TCF20: variants seen among roughly 807,000 people sequenced by gnomAD.
TCF20 encodes SPRE-binding protein.
In TCF20, 3 loss-of-function variants were observed where a neutral mutation model predicts 148.6. The observed-to-expected ratio is 0.02, with a 90% CI of 0.01 to 0.05. TCF20 has a LOEUF of 0.05. TCF20 is among the 10% of genes least tolerant of loss of function. TCF20 has a pLI of 1.00. For missense variants in TCF20, 2,350 were observed against 2,429.3 expected (o/e 0.97, Z 0.69); for synonymous variants, 1,049 against 909.5 (o/e 1.15, Z -2.76).
chr22:42,312,152 A>G (rs1310792514), intron 1 of TCF20, among the ~76,000 whole-genome samples: 1 of 152,198 alleles, frequency 6.6e-6, no homozygotes, highest in Non-Finnish European at 1.5e-5. Context: ...GAGCTACAGA[A>G]GAAGGGCACT....
Position 42,214,616 on chromosome 22 carries a change from C to T in TCF20, c.690G>A (p.Gln230=), listed in dbSNP as rs754946757. The change falls in exon 2 of 6, where the codon CAG becomes CAA. Residue 230 remains glutamine, a synonymous_variant. Transcript: ENST00000677622. ...CAGAAGACTGATAGTGTTGGCCAAA[C>T]TGACCCACTCTTAACTGGTAACCAG... ...SAAGYQLRVG[Q]FGQHYQSSAS... 1.1e-5 allele frequency: 17 copies of T among 1,614,128 alleles called. 2 individuals are homozygous for T. The South Asian group carries it at 1.8e-4, about 17-fold the overall frequency.
intron 1 of TCF20, among the ~76,000 whole-genome samples, chr22:42,314,886 A>C (rs1419106351): frequency 6.6e-6 from 1 of 152,072 alleles, no homozygotes; most frequent in East Asian, 1.9e-4. Context: ...CCCAGGGAGG[A>C]GGGGAGCGGC....
At chr22:42,340,331 G>A (rs920822370) in intron 1 of TCF20, among the ~76,000 whole-genome samples, 3 of 152,214 alleles carry the variant, frequency 2.0e-5, no homozygotes, top group African/African-American at 7.2e-5. Context: ...ATGAATGAGT[G>A]AGTGAATAAA....
chr22:42,171,003 G>A (rs1409108333), intron 3 of TCF20, among the ~76,000 whole-genome samples: 1 of 152,154 alleles, frequency 6.6e-6, no homozygotes, highest in Non-Finnish European at 1.5e-5. Flanking sequence ...TGCTTCAGAG[G>A]AAGGTAAAAT....
At chr22:42,165,932 G>A (rs922554569) in intron 5 of TCF20, among the ~76,000 whole-genome samples, 2 of 152,206 alleles carry the variant, frequency 1.3e-5, no homozygotes, top group Admixed American at 6.5e-5. Context: ...AGACACACAC[G>A]CACATTCGCT....
At chr22:42,281,684 T>G (rs995877616) in intron 1 of TCF20, among the ~76,000 whole-genome samples, 1 of 152,198 alleles carries the variant, frequency 6.6e-6, no homozygotes, top group African/African-American at 2.4e-5. Context: ...GGGAAAAGAT[T>G]TCTGTGGGGA....
Position 42,212,000 on chromosome 22 carries a change from G to A in TCF20, c.3306C>T (p.Ser1102=), listed in dbSNP as rs751083582. The A allele has an allele frequency of 2.3e-5, 37 of 1,613,978 alleles. 1 individual carries two copies. The South Asian group carries it at 3.6e-4, about 16-fold the overall frequency. ...QQPEEYKDWS[S]GSAQGVIAAA... is the part of the protein sequence containing the mutation. ...CAGCAATTACTCCCTGAGCAGAACC[G>A]CTGCTCCAGTCTTTATACTCCTCTG... is the stretch of plus-strand genomic sequence containing the variant. The change falls in exon 2 of 6, where the codon AGC becomes AGT. Residue 1102 remains serine, a synonymous_variant. Coordinates refer to ENST00000677622, the MANE Select transcript of TCF20 (RefSeq NM_001378418.1).
At position 42,168,610 on chromosome 22, in the gene TCF20, T is replaced by G; in HGVS notation, c.*43A>C. 1 of 1,567,862 alleles carries G rather than the reference T, an allele frequency of 6.4e-7. No homozygotes were observed. On this transcript the variant is annotated splice_region_variant and 3_prime_UTR_variant, in exon 5 of 6. Coordinates refer to ENST00000677622, the MANE Select transcript of TCF20 (RefSeq NM_001378418.1). ...GGGAGCCCGGTGGCCCCGACTCACC[T>G]GTGCTTGCTGTCCTTTCCATTCCCA...
chr22:42,325,006 T>C (rs1927848791), intron 1 of TCF20, among the ~76,000 whole-genome samples: 1 of 152,164 alleles, frequency 6.6e-6, no homozygotes, highest in Admixed American at 6.5e-5. Flanking sequence ...TGCCTGAGAG[T>C]GCAGACCCGG....
chr22:42,184,315 C>T (rs935986170), intron 2 of TCF20, among the ~76,000 whole-genome samples: 5 of 152,138 alleles, frequency 3.3e-5, no homozygotes, highest in Admixed American at 1.3e-4. Context: ...TTTCTTCATA[C>T]CATACCATGA....
chr22:42,335,576 C>T (rs1318712666), intron 1 of TCF20, among the ~76,000 whole-genome samples: 4 of 152,276 alleles, frequency 2.6e-5, no homozygotes, highest in African/African-American at 2.4e-5. Context: ...AGAGAGAATG[C>T]GAGAACACAG....
Position 42,232,805 on chromosome 22 carries a change from GAAAAAA to G in TCF20, c.-36-17470_-36-17465del, listed in dbSNP as rs373162435. On this transcript the variant is annotated intron_variant, in intron 1 of 5. Coordinates refer to ENST00000677622, the MANE Select transcript of TCF20 (RefSeq NM_001378418.1). ...CAGAGCAAGACTCCGTCTCCAAAAAGAAAAAAAAAAAAAAAAACTAGTTTGACCAAC... is the reference window on the plus strand; with the variant it reads ...CAGAGCAAGACTCCGTCTCCAAAAAGAAAAAAAAAAACTAGTTTGACCAAC... Among the ~76,000 whole-genome samples, 4 of 131,396 alleles carry G rather than the reference GAAAAAA, an allele frequency of 3.0e-5. No homozygotes were observed. In the South Asian group the frequency reaches 9.3e-4, roughly 31 times the overall value. The allele number at this position is 131,396 out of a possible 152,430, so 86.2% of individuals were successfully genotyped here.
rs867676368 is a variant in TCF20 at position 42,212,268 on chromosome 22, G to A, written c.3038C>T (p.Ala1013Val). 5.6e-6 allele frequency: 9 copies of A among 1,614,150 alleles called. No homozygotes were observed. The Middle Eastern group carries it at 4.9e-4, about 89-fold the overall frequency. ...GRSPSQYHDFAEKLKMSPGRS... is the reference protein window; with the variant it reads ...GRSPSQYHDFVEKLKMSPGRS... ...CCCAGGAGACATTTTCAATTTTTCT[G>A]CAAAGTCATGATATTGAGAAGGGGA... is the stretch of plus-strand genomic sequence containing the variant. Residue 1013 changes from alanine (A) to valine (V), a missense_variant, in exon 2 of 6, where the codon GCA (alanine) becomes GTA (valine). Physicochemically the swap from Ala to Val is moderately conservative, Grantham distance 64. This residue lies in a region of TCF20 where 1,641 missense variants were observed against 1,662.6 expected (regional missense o/e 0.99). Transcript: ENST00000677622.
chr22:42,230,232 A>G (rs1027090986), intron 1 of TCF20, among the ~76,000 whole-genome samples: 2 of 152,348 alleles, frequency 1.3e-5, no homozygotes, highest in East Asian at 3.9e-4. Flanking sequence ...CCACGTACAC[A>G]ATGGTGGTCC....
intron 1 of TCF20, among the ~76,000 whole-genome samples, chr22:42,296,567 C>T (rs1927241073): frequency 6.6e-6 from 1 of 152,162 alleles, no homozygotes. Flanking sequence ...TGGCATTGGG[C>T]CCGGGATGCC....
intron 1 of TCF20, among the ~76,000 whole-genome samples, chr22:42,248,819 T>C (rs1925127766): frequency 6.6e-6 from 1 of 152,202 alleles, no homozygotes; most frequent in Non-Finnish European, 1.5e-5. Context: ...GCTATTGTCA[T>C]TATCTGGAAA....
intron 1 of TCF20, among the ~76,000 whole-genome samples, chr22:42,218,746 AG>A (rs1922049298): frequency 6.6e-6 from 1 of 152,090 alleles, no homozygotes; most frequent in Non-Finnish European, 1.5e-5. Flanking sequence ...TTTAAACATC[AG>A]GGTATCAGGC....
intron 1 of TCF20, among the ~76,000 whole-genome samples, chr22:42,266,900 G>T (rs777290256): frequency 2.0e-5 from 3 of 152,236 alleles, no homozygotes; most frequent in Non-Finnish European, 2.9e-5. Context: ...TTTGTAGAAT[G>T]AAAATTTTAT....
rs1172809155 is a variant in TCF20 at position 42,214,157 on chromosome 22, A to G, written c.1149T>C (p.Ser383=). The G allele has an allele frequency of 6.2e-7, 1 of 1,614,038 alleles. No homozygotes were observed. Among genetic ancestry groups the G allele is most frequent in the African/African-American group, 1.3e-5 (1 of 74,890 alleles). ...AASVVQSPSC[S]STPSPLMQTG... ...TCTGCATGAGAGGAGATGGGGTAGAACTACAGCTTGGAGACTGAACCACAG... is the reference window on the plus strand; with the variant it reads ...TCTGCATGAGAGGAGATGGGGTAGAGCTACAGCTTGGAGACTGAACCACAG... Residue 383 remains serine, a synonymous_variant, in exon 2 of 6, where the codon AGT becomes AGC. Coordinates refer to ENST00000677622, the MANE Select transcript of TCF20 (RefSeq NM_001378418.1).
Sources: allele counts gnomAD v4.1 joint callset (sites outside exome capture counted in the v4.1 genomes callset), GRCh38; gene constraint gnomAD v4.1.1; regional missense constraint gnomAD v4.1.1; transcripts MANE v1.5; gene names NCBI Gene and HGNC (gene_info 2026-07-23, HGNC 2026-07-21).